The following NOL10 variants were observed in gnomAD, a reference collection of about 807,000 sequenced individuals.
The protein encoded by NOL10 is nucleolar protein 10.
NOL10 carries 58 observed loss-of-function variants against 103.5 expected under a neutral mutation model. The ratio of observed to expected loss-of-function variants is 0.56; its 90% CI spans 0.45 to 0.70. The LOEUF is 0.70. Among genes scored for constraint, NOL10 ranks in the 30% least tolerant of loss-of-function variants. The pLI, the probability that NOL10 is intolerant of heterozygous loss-of-function variation, is 0.00. For synonymous variants in NOL10, 287 were observed against 282.5 expected, an observed-to-expected ratio of 1.02 and a Z score of -0.16; for missense variants, 763 against 807.3, an observed-to-expected ratio of 0.95 and a Z score of 0.67.
chr2:10,674,231 T>TA (rs553120070), intron 4 of NOL10, among the ~76,000 whole-genome samples: 363 of 138,896 alleles, frequency 2.6e-3, no homozygotes, highest in African/African-American at 8.4e-3. Flanking sequence ...AAAGTAAAAA[T>TA]AAAAAAAAAA....
intron 13 of NOL10, among the ~76,000 whole-genome samples, chr2:10,626,376 C>A (rs554790188): frequency 1.3e-5 from 2 of 152,032 alleles, no homozygotes; most frequent in African/African-American, 4.8e-5. Flanking sequence ...GAGAAACTTA[C>A]GTTGGGATTT....
At chr2:10,620,271 A>AAG (rs1314837341) in intron 13 of NOL10, among the ~76,000 whole-genome samples, 2 of 152,230 alleles carry the variant, frequency 1.3e-5, no homozygotes, top group African/African-American at 4.8e-5. Context: ...TTTGAAATCT[A>AAG]TGTAAAAACT....
chr2:10,676,239 C>T (rs1325545763), intron 3 of NOL10, among the ~76,000 whole-genome samples: 7 of 152,154 alleles, frequency 4.6e-5, no homozygotes, highest in Non-Finnish European at 1.0e-4. Context: ...ATTGATACAA[C>T]TTCTTTGAAG....
chr2:10,572,117 G>C lies in NOL10; in HGVS notation c.2021C>G (p.Ala674Gly). Residue 674 changes from alanine to glycine, a missense_variant, in exon 21 of 21, where the codon GCC becomes GGC. Coordinates refer to ENST00000381685, the MANE Select transcript of NOL10 (RefSeq NM_024894.4). ...TTTGTGTCTTGACTTCAGGTGTCCG[G>C]CCGAACGACGGAGTCTTTTCCTTTC... The part of the protein sequence containing the change: ...RQERKRLRRS[A>G]GHLKSRHKRG... 1 of 1,613,992 alleles carries C rather than the reference G, an allele frequency of 6.2e-7. No individual in the cohort carries two copies. The highest frequency in any genetic ancestry group is 1.1e-5 in the South Asian group (1 of 91,080).
chr2:10,625,151 G>A (rs555622592), intron 13 of NOL10, among the ~76,000 whole-genome samples: 4 of 152,162 alleles, frequency 2.6e-5, no homozygotes, highest in Non-Finnish European at 5.9e-5. Flanking sequence ...TGGAACAGAG[G>A]ACTTTTAGGG....
chr2:10,673,036 G>T (rs1332990394), intron 5 of NOL10, among the ~76,000 whole-genome samples: 1 of 151,916 alleles, frequency 6.6e-6, no homozygotes, highest in Non-Finnish European at 1.5e-5. Flanking sequence ...CACCAAAAAA[G>T]AGAAATAAAT....
At chr2:10,672,144 A>G (rs930237441) in intron 5 of NOL10, among the ~76,000 whole-genome samples, 18 of 151,954 alleles carry the variant, frequency 1.2e-4, no homozygotes, top group African/African-American at 4.4e-4. Flanking sequence ...CCTGACCAAC[A>G]TGGAGAAACC....
intron 9 of NOL10, among the ~76,000 whole-genome samples, chr2:10,661,557 G>A (rs915797905): frequency 5.3e-5 from 8 of 152,028 alleles, no homozygotes; most frequent in African/African-American, 1.9e-4. Context: ...TTTTAGTAGA[G>A]ACAGGGTTTC....
At chr2:10,574,984 T>C (rs1041924937) in intron 20 of NOL10, among the ~76,000 whole-genome samples, 2 of 152,212 alleles carry the variant, frequency 1.3e-5, no homozygotes, top group African/African-American at 2.4e-5. Flanking sequence ...CAAGGCGGCA[T>C]CTGGAAGGCC....
intron 20 of NOL10, among the ~76,000 whole-genome samples, chr2:10,572,956 A>G (rs1181174222): frequency 6.6e-6 from 1 of 152,214 alleles, no homozygotes; most frequent in African/African-American, 2.4e-5. Flanking sequence ...TTCAGCAGAA[A>G]TTCTTAGAAG....
intron 19 of NOL10, among the ~76,000 whole-genome samples, chr2:10,588,074 G>T (rs1675208089): frequency 6.6e-6 from 1 of 152,100 alleles, no homozygotes; most frequent in Admixed American, 6.5e-5. Context: ...CTTTGCCTAG[G>T]AATTCTCAAA....
intron 17 of NOL10, chr2:10,590,758 TA>T (rs34392918): frequency 0.25 from 37,865 of 152,172 alleles, 6,588 homozygotes; most frequent in African/African-American, 0.46. Context: ...GAAAGTTTTC[TA>T]AACTGTACTG....
At chr2:10,622,525 A>T (rs558445025) in intron 13 of NOL10, among the ~76,000 whole-genome samples, 316 of 151,228 alleles carry the variant, frequency 2.1e-3, no homozygotes, top group African/African-American at 7.3e-3. Flanking sequence ...ACACCCCCAA[A>T]AGAATACAGG....
intron 12 of NOL10, among the ~76,000 whole-genome samples, chr2:10,648,778 T>C (rs1679258586): frequency 6.6e-6 from 1 of 151,322 alleles, no homozygotes; most frequent in East Asian, 1.9e-4. Flanking sequence ...GAAAAAAAAA[T>C]CACATAAATC....
At chr2:10,634,565 A>T (rs1404468543) in intron 13 of NOL10, 1 of 456,588 alleles carries the variant, frequency 2.2e-6, no homozygotes, top group African/African-American at 2.0e-5. Context: ...AAGGCTGGAG[A>T]GGGAAAATTG....
Position 10,596,268 on chromosome 2 carries a change from G to GGGGGGGGGGGA in NOL10, c.1422+4584_1422+4585insTCCCCCCCCCC, listed in dbSNP as rs1553298216. On this transcript the variant is annotated intron_variant, in intron 17 of 20. Coordinates refer to ENST00000381685, the MANE Select transcript of NOL10 (RefSeq NM_024894.4). ...CCACAGATGGTGGTGGGGGGCGGGG[G>GGGGGGGGGGGA]GCGGGCGCGAGGGAGTTTTGGGATG... is the stretch of plus-strand genomic sequence containing the variant. 8.6e-5 allele frequency among the ~76,000 whole-genome samples: 7 copies of GGGGGGGGGGGA among 81,384 alleles called. 1 individual carries two copies. The highest frequency in any genetic ancestry group is 6.5e-4 in the East Asian group (1 of 1,542). The allele number at this position is 81,384 out of a possible 152,430, so 53.4% of individuals were successfully genotyped here. A position where few individuals can be genotyped will look rare whatever the true frequency, so the allele number is the denominator to read the frequency against.
At chr2:10,612,750 C>T (rs999526441) in intron 13 of NOL10, among the ~76,000 whole-genome samples, 2 of 152,130 alleles carry the variant, frequency 1.3e-5, no homozygotes, top group Non-Finnish European at 2.9e-5. Flanking sequence ...GTGATCTGCC[C>T]ATCTTGGCCT....
chr2:10,688,778 C>G (rs11687203), intron 1 of NOL10, among the ~76,000 whole-genome samples: 5,243 of 152,270 alleles, frequency 0.034, 174 homozygotes, highest in African/African-American at 0.084. Flanking sequence ...AGTAACTTCT[C>G]AATACATGTG....
chr2:10,669,507 C>CATAT (rs199871666), intron 6 of NOL10, among the ~76,000 whole-genome samples: 3 of 92,878 alleles, frequency 3.2e-5, no homozygotes, highest in African/African-American at 1.3e-4. Context: ...TACACACACA[C>CATAT]ATATATACAC....
Sources: allele counts gnomAD v4.1 joint callset (sites outside exome capture counted in the v4.1 genomes callset), GRCh38; gene constraint gnomAD v4.1.1; transcripts MANE v1.5; gene names NCBI Gene and HGNC (gene_info 2026-07-23, HGNC 2026-07-21).